The following MARCHF1 variants were observed in gnomAD, a reference collection of about 807,000 sequenced individuals.
The protein encoded by MARCHF1 is membrane associated ring-CH-type finger 1.
Under a neutral mutation model 54.2 loss-of-function variants are expected in MARCHF1, and 40 were observed. The observed-to-expected ratio is 0.74, with a 90% CI of 0.57 to 0.96. The LOEUF (loss-of-function observed/expected upper bound fraction) is 0.96. MARCHF1 is among the 40% of genes least tolerant of loss of function. The probability of loss-of-function intolerance (pLI) is 0.00; values close to 1 mark genes in which losing one functional copy is unlikely to be tolerated. For missense variants in MARCHF1, 586 were observed against 656.5 expected, an observed-to-expected ratio of 0.89 and a Z score of 1.17; for synonymous variants, 236 against 236.3, an observed-to-expected ratio of 1.00 and a Z score of 0.01.
chr4:163,551,648 C>A (rs1266606565), intron 8 of MARCHF1, among the ~76,000 whole-genome samples: 2 of 152,168 alleles, frequency 1.3e-5, no homozygotes, highest in African/African-American at 4.8e-5. Context: ...TGTGTCCCCA[C>A]CTAAATCTCA....
At chr4:164,149,073 T>C (rs994356833) in intron 1 of MARCHF1, among the ~76,000 whole-genome samples, 2 of 152,158 alleles carry the variant, frequency 1.3e-5, no homozygotes, top group African/African-American at 4.8e-5. Flanking sequence ...TATGAGTTCA[T>C]GTAAAATCTG....
chr4:164,087,796 CT>C (rs1166325316), intron 2 of MARCHF1, among the ~76,000 whole-genome samples: 2 of 89,912 alleles, frequency 2.2e-5, no homozygotes, highest in Non-Finnish European at 5.0e-5. Flanking sequence ...TAATTGATAG[CT>C]TTTTTCTGTG....
At chr4:163,792,517 A>T (rs1747798983) in intron 4 of MARCHF1, among the ~76,000 whole-genome samples, 1 of 151,896 alleles carries the variant, frequency 6.6e-6, no homozygotes, top group Admixed American at 6.6e-5. Flanking sequence ...AATTTGAATT[A>T]TATATATATA....
intron 1 of MARCHF1, chr4:164,197,550 G>A (rs1579615378): frequency 6.2e-7 from 1 of 1,613,384 alleles, no homozygotes; most frequent in Non-Finnish European, 8.5e-7. Flanking sequence ...AGATTGAGGT[G>A]AGGCCTCCGT....
intron 2 of MARCHF1, among the ~76,000 whole-genome samples, chr4:164,093,302 C>T (rs1396927058): frequency 1.3e-5 from 2 of 152,086 alleles, no homozygotes; most frequent in Admixed American, 6.6e-5. Flanking sequence ...ACTGATGGAA[C>T]ATTTTTCTTC....
Position 163,848,530 on chromosome 4 carries a change from C to T in MARCHF1, c.111+5491G>A, listed in dbSNP as rs186057100. 5.5e-4 allele frequency among the ~76,000 whole-genome samples: 83 copies of T among 152,192 alleles called. 2 individuals carry two copies. Among genetic ancestry groups the T allele is most frequent in the African/African-American group, 1.7e-3 (70 of 41,536 alleles). Reference sequence around the variant, plus strand: ...CATAAAATCTTTCACCTTCTTACTTCGGATTCTTATGATCTCCTTTGCTCT... The same window carrying T: ...CATAAAATCTTTCACCTTCTTACTTTGGATTCTTATGATCTCCTTTGCTCT... On this transcript the variant is annotated intron_variant, in intron 4 of 9. Transcript: ENST00000514618.
chr4:163,545,809 TC>T, intron 8 of MARCHF1, 66 bp from the exon 9 acceptor site: 1 of 1,455,240 alleles, frequency 6.9e-7, no homozygotes, highest in Admixed American at 1.8e-5. Flanking sequence ...CTCTTTTATT[TC>T]CCAGACACAG....
rs1351264056 is a variant in MARCHF1 at position 163,848,511 on chromosome 4, A to G, written c.111+5510T>C. 2.0e-5 allele frequency among the ~76,000 whole-genome samples: 3 copies of G among 152,236 alleles called. No individual in the cohort carries two copies. The East Asian group carries it at 5.8e-4, about 29-fold the overall frequency. ...ATTTTTCAACTCTAATCCTCATAAA[A>G]TCTTTCACCTTCTTACTTCGGATTC... On this transcript the variant is annotated intron_variant, in intron 4 of 9. Transcript: ENST00000514618.
chr4:164,300,581 C>T (rs542501788), intron 1 of MARCHF1, among the ~76,000 whole-genome samples: 1 of 152,274 alleles, frequency 6.6e-6, no homozygotes, highest in East Asian at 1.9e-4. Flanking sequence ...TGATCTCACT[C>T]TGTCACCCAA....
At chr4:164,369,088 C>CTT (rs3024244) in intron 1 of MARCHF1, among the ~76,000 whole-genome samples, 8,522 of 151,318 alleles carry the variant, frequency 0.056, 752 homozygotes, top group East Asian at 0.25. Context: ...CTCCCTCTCT[C>CTT]AGGTAAGTGG....
intron 3 of MARCHF1, among the ~76,000 whole-genome samples, chr4:163,922,753 G>A (rs905818642): frequency 6.6e-6 from 1 of 152,058 alleles, no homozygotes; most frequent in African/African-American, 2.4e-5. Context: ...AATGCTAAAT[G>A]ACACACATCA....
At chr4:164,046,456 T>C (rs1303238670) in intron 2 of MARCHF1, among the ~76,000 whole-genome samples, 1 of 152,220 alleles carries the variant, frequency 6.6e-6, no homozygotes, top group Non-Finnish European at 1.5e-5. Context: ...ATTCCAATGA[T>C]AACCATTATT....
intron 7 of MARCHF1, among the ~76,000 whole-genome samples, chr4:163,607,311 C>T (rs1741177320): frequency 6.6e-6 from 1 of 151,908 alleles, no homozygotes; most frequent in Non-Finnish European, 1.5e-5. Flanking sequence ...GAATGGAACA[C>T]TGGGATTGAG....
chr4:164,349,728 G>C (rs1456489220), intron 1 of MARCHF1, among the ~76,000 whole-genome samples: 2 of 152,106 alleles, frequency 1.3e-5, no homozygotes, highest in East Asian at 3.9e-4. Flanking sequence ...ACCTATAAAA[G>C]AATGTAATAT....
intron 7 of MARCHF1, among the ~76,000 whole-genome samples, chr4:163,598,281 T>C (rs1740837685): frequency 6.6e-6 from 1 of 152,250 alleles, no homozygotes; most frequent in South Asian, 2.1e-4. Context: ...TGTTGAGCCT[T>C]TTGCAATGCC....
At position 163,890,893 on chromosome 4, in the gene MARCHF1, T is replaced by A. The variant is rs926376040; in HGVS notation, c.-38-36724A>T. The stretch of plus-strand genomic sequence containing the variant: ...ATTTCTGCTAGATTTCAAACCTCAG[T>A]TTTTTTTTTTGTTTCCTAGTATAAA... On this transcript the variant is annotated intron_variant, in intron 3 of 9. Coordinates refer to ENST00000514618, the MANE Select transcript of MARCHF1 (RefSeq NM_001394959.1). Among the ~76,000 whole-genome samples the A allele has an allele frequency of 7.5e-4, 110 of 146,180 alleles. 1 individual carries two copies. Among genetic ancestry groups the A allele is most frequent in the South Asian group, 1.3e-3 (6 of 4,622 alleles).
intron 5 of MARCHF1, among the ~76,000 whole-genome samples, chr4:163,619,555 C>G (rs546927575): frequency 6.6e-6 from 1 of 152,012 alleles, no homozygotes; most frequent in South Asian, 2.1e-4. Flanking sequence ...GCACGTGGCA[C>G]AGGGAAAGAC....
chr4:164,274,659 C>CTTCTTTTTTTTTTTTTTTTTTTT lies in MARCHF1; in HGVS notation c.-323+109210_-323+109211insAAAAAAAAAAAAAAAAAAAAGAA, dbSNP rs1733826760. On this transcript the variant is annotated intron_variant, in intron 1 of 9. Coordinates refer to ENST00000514618, the MANE Select transcript of MARCHF1 (RefSeq NM_001394959.1). ...CGCTTGATGTGTGCTTCAGGGTACA[C>CTTCTTTTTTTTTTTTTTTTTTTT]TTTTTTTTTTTTTTTTTTTTTTTTT... is the stretch of plus-strand genomic sequence containing the variant. Among the ~76,000 whole-genome samples the CTTCTTTTTTTTTTTTTTTTTTTT allele has an allele frequency of 1.6e-4, 7 of 44,644 alleles. 2 individuals are homozygous for CTTCTTTTTTTTTTTTTTTTTTTT. The highest frequency in any genetic ancestry group is 4.5e-4 in the African/African-American group (6 of 13,408). The allele number at this position is 44,644 out of a possible 152,430, so 29.3% of individuals were successfully genotyped here.
chr4:163,847,735 C>G (rs1417170262), intron 4 of MARCHF1, among the ~76,000 whole-genome samples: 6 of 151,822 alleles, frequency 4.0e-5, no homozygotes, highest in Non-Finnish European at 7.4e-5. Context: ...TGGCTGCCAC[C>G]AGGCCTGGCT....
Sources: allele counts gnomAD v4.1 joint callset (sites outside exome capture counted in the v4.1 genomes callset), GRCh38; gene constraint gnomAD v4.1.1; transcripts MANE v1.5; gene names NCBI Gene and HGNC (gene_info 2026-07-23, HGNC 2026-07-21).